Variants in SMYD3 observed in about 807,000 individuals in gnomAD.
The protein encoded by SMYD3 is histone-lysine N-methyltransferase SMYD3.
A neutral mutation model predicts 57.7 loss-of-function variants in SMYD3; 36 were observed. The ratio of observed to expected loss-of-function variants is 0.62; its 90% CI spans 0.48 to 0.82. SMYD3 has a LOEUF of 0.82. Ranked by LOEUF, SMYD3 falls within the 40% of genes least tolerant of loss-of-function variation. The pLI is 0.00. For synonymous variants in SMYD3, 211 were observed against 195.0 expected, an observed-to-expected ratio of 1.08 and a Z score of -0.68; for missense variants, 515 against 538.8, an observed-to-expected ratio of 0.96 and a Z score of 0.44.
At chr1:246,065,778 T>C (rs1197456739) in intron 5 of SMYD3, among the ~76,000 whole-genome samples, 1 of 152,218 alleles carries the variant, frequency 6.6e-6, no homozygotes, top group African/African-American at 2.4e-5. Flanking sequence ...AGACATTCCT[T>C]GACAACCTCC....
intron 10 of SMYD3, among the ~76,000 whole-genome samples, chr1:245,793,080 GC>G (rs1385888075): frequency 2.1e-5 from 1 of 48,760 alleles, no homozygotes; most frequent in Non-Finnish European, 4.3e-5. Context: ...GGAGGCCGAG[GC>G]GGGTGATCAC....
chr1:246,326,968 C>T lies in SMYD3; in HGVS notation c.531+233G>A, dbSNP rs913501129. 1.7e-5 allele frequency: 9 copies of T among 530,078 alleles called. No individual in the cohort carries two copies. In the Admixed American group the frequency reaches 2.6e-4, roughly 15 times the overall value. The allele number at this position is 530,078 out of a possible 1,614,324, so 32.8% of individuals were successfully genotyped here. A position where few individuals can be genotyped will look rare whatever the true frequency, so the allele number is the denominator to read the frequency against. On this transcript the variant is annotated intron_variant, in intron 5 of 11. Coordinates refer to ENST00000490107, the MANE Select transcript of SMYD3 (RefSeq NM_001167740.2). The stretch of plus-strand genomic sequence containing the variant: ...TCCAAGGGTACACTTTGAGAATTCA[C>T]AATGAACATACTCAGGCAATAACAA...
intron 10 of SMYD3, among the ~76,000 whole-genome samples, chr1:245,831,496 CCCAGAAGA>C (rs2049831224): frequency 6.6e-6 from 1 of 152,194 alleles, no homozygotes; most frequent in Non-Finnish European, 1.5e-5. Context: ...ACAGTCTTGT[CCCAGAAGA>C]ACCACTAACA....
At chr1:246,379,826 C>T (rs150755673) in intron 1 of SMYD3, among the ~76,000 whole-genome samples, 1 of 152,028 alleles carries the variant, frequency 6.6e-6, no homozygotes, top group Non-Finnish European at 1.5e-5. Context: ...ACGGTGAAAC[C>T]TCATCTCCAC....
intron 6 of SMYD3, among the ~76,000 whole-genome samples, chr1:245,928,562 T>C (rs925065012): frequency 2.6e-5 from 4 of 152,094 alleles, no homozygotes; most frequent in African/African-American, 9.7e-5. Context: ...TAGTCCTAGC[T>C]ACTCAGGAGG....
intron 7 of SMYD3, among the ~76,000 whole-genome samples, chr1:245,926,097 G>C (rs1232167667): frequency 6.6e-6 from 1 of 152,208 alleles, no homozygotes; most frequent in African/African-American, 2.4e-5. Context: ...GGCAGCAGGA[G>C]TGTCCTCTTC....
chr1:246,000,736 A>G (rs1428489164), intron 5 of SMYD3, among the ~76,000 whole-genome samples: 1 of 152,240 alleles, frequency 6.6e-6, no homozygotes, highest in Non-Finnish European at 1.5e-5. Context: ...TACAAGGCCT[A>G]CAAGCCTTAC....
At chr1:245,780,856 A>C (rs1397491653) in intron 10 of SMYD3, among the ~76,000 whole-genome samples, 1 of 152,252 alleles carries the variant, frequency 6.6e-6, no homozygotes, top group East Asian at 1.9e-4. Flanking sequence ...TAACCCAAAT[A>C]ATCAACTGGG....
chr1:246,002,902 T>A (rs4654184), intron 5 of SMYD3, among the ~76,000 whole-genome samples: 40,597 of 151,798 alleles, frequency 0.27, 7,715 homozygotes, highest in African/African-American at 0.51. Flanking sequence ...GGCCTGAGCC[T>A]CCGCGCCCGG....
At chr1:246,049,129 G>T (rs925778030) in intron 5 of SMYD3, among the ~76,000 whole-genome samples, 1 of 152,138 alleles carries the variant, frequency 6.6e-6, no homozygotes, top group African/African-American at 2.4e-5. Context: ...GCAAGTGTGA[G>T]CATGAGCCCA....
chr1:246,292,111 T>C (rs1012722229), intron 5 of SMYD3, among the ~76,000 whole-genome samples: 5 of 142,986 alleles, frequency 3.5e-5, no homozygotes, highest in Admixed American at 2.1e-4. Context: ...CACACAAGCA[T>C]CTTAGACTTA....
intron 5 of SMYD3, among the ~76,000 whole-genome samples, chr1:245,952,999 A>G (rs1354575286): frequency 6.6e-6 from 1 of 152,190 alleles, no homozygotes. Flanking sequence ...CAGAAAGGTA[A>G]TTATCAGACA....
intron 9 of SMYD3, among the ~76,000 whole-genome samples, chr1:245,860,983 C>A (rs1487614943): frequency 6.6e-6 from 1 of 152,166 alleles, no homozygotes; most frequent in Non-Finnish European, 1.5e-5. Context: ...AGGTGACAGG[C>A]CTTAGAAGTA....
At chr1:246,396,505 T>C (rs2066675218) in intron 1 of SMYD3, among the ~76,000 whole-genome samples, 1 of 152,228 alleles carries the variant, frequency 6.6e-6, no homozygotes, top group African/African-American at 2.4e-5. Context: ...TCAGGATAAC[T>C]TTCCTAAGAC....
chr1:246,012,766 C>T (rs2059306612), intron 5 of SMYD3, among the ~76,000 whole-genome samples: 1 of 152,142 alleles, frequency 6.6e-6, no homozygotes, highest in African/African-American at 2.4e-5. Context: ...ATGTTCTGAT[C>T]CTCAATTATC....
chr1:245,843,379 T>A (rs2050496345), intron 10 of SMYD3, among the ~76,000 whole-genome samples: 1 of 152,142 alleles, frequency 6.6e-6, no homozygotes, highest in Non-Finnish European at 1.5e-5. Context: ...GGGATGTGGA[T>A]CCACTGTACC....
intron 1 of SMYD3, among the ~76,000 whole-genome samples, chr1:246,381,973 C>T (rs1361883970): frequency 6.8e-6 from 1 of 147,516 alleles, no homozygotes; most frequent in African/African-American, 2.5e-5. Context: ...CCTATGGGAT[C>T]CAGCCTCCAG....
intron 5 of SMYD3, among the ~76,000 whole-genome samples, chr1:246,233,333 A>G (rs530569346): frequency 4.0e-5 from 5 of 123,768 alleles, no homozygotes; most frequent in African/African-American, 6.2e-5. Flanking sequence ...TACCACACAG[A>G]GGAGAAGCGC....
At chr1:246,274,529 T>C (rs952293692) in intron 5 of SMYD3, among the ~76,000 whole-genome samples, 2 of 152,170 alleles carry the variant, frequency 1.3e-5, no homozygotes, top group African/African-American at 2.4e-5. Context: ...TGCTTTAAAA[T>C]AGCTAAATTA....
Sources: gnomAD v4.1 joint callset for allele counts (sites outside exome capture counted in the v4.1 genomes callset) on GRCh38, gnomAD v4.1.1 for gene constraint, MANE v1.5 for transcripts, NCBI Gene and HGNC (gene_info 2026-07-23, HGNC 2026-07-21) for gene names.